IGSF22: variants seen among roughly 807,000 people sequenced by gnomAD.
IGSF22 encodes the protein immunoglobulin superfamily, member 22.
IGSF22 carries 119 observed loss-of-function variants against 127.0 expected under a neutral mutation model. The ratio of observed to expected loss-of-function variants is 0.94; its 90% CI spans 0.81 to 1.09. The LOEUF is 1.09. Ranked by LOEUF, IGSF22 falls within the 50% of genes least tolerant of loss-of-function variation. The pLI, the probability that IGSF22 is intolerant of heterozygous loss-of-function variation, is 0.00. For synonymous variants in IGSF22, 568 were observed against 664.7 expected (o/e 0.85, Z 2.24); for missense variants, 1,518 against 1,716.6 (o/e 0.88, Z 2.04).
rs1848461823 is a variant in IGSF22 at position 18,716,277 on chromosome 11, C to T, written c.1246+451G>A. 6.6e-6 allele frequency among the ~76,000 whole-genome samples: 1 copy of T among 152,138 alleles called. No homozygotes were observed. The highest frequency in any genetic ancestry group is 1.5e-5 in the Non-Finnish European group (1 of 68,026). On this transcript the variant is annotated intron_variant, in intron 10 of 22. Transcript: ENST00000513874. This position sits in a 1 kb window ranked among gnomAD's most constrained non-coding sequence, Gnocchi z 4.5. ...CTTCTACAGCCCTTGTGTCTCCCTC[C>T]ATCACAGCAATGATGATTCCATGTG...
intron 17 of IGSF22, 110 bp downstream of exon 17, chr11:18,710,217 G>C (rs1848325191): frequency 7.1e-7 from 1 of 1,403,734 alleles, no homozygotes; most frequent in Admixed American, 1.8e-5. Flanking sequence ...AGTTTCCAGA[G>C]TGTAGAGACT....
chr11:18,712,214 C>G lies in IGSF22; in HGVS notation c.2266G>C (p.Gly756Arg). Reference protein sequence around the residue: ...KSWIKIGEVDGKVTNFSTNKV... With the variant: ...KSWIKIGEVDRKVTNFSTNKV... The stretch of plus-strand genomic sequence containing the variant: ...TTGGTGGAGAAGTTGGTGACTTTGC[C>G]GTCCACCTCGCCTATCTTAATCCAG... The change falls in exon 15 of 23, where the codon GGC (glycine) becomes CGC (arginine). Residue 756 changes from glycine (G) to arginine (R), a missense_variant. Physicochemically the swap from Gly to Arg is moderately radical, Grantham distance 125. This residue lies in a region of IGSF22 where 1,456 missense variants were observed against 1,644.9 expected (regional missense o/e 0.89). Coordinates refer to ENST00000513874, the MANE Select transcript of IGSF22 (RefSeq NM_173588.4). The G allele has an allele frequency of 6.4e-7, 1 of 1,551,700 alleles. No homozygotes were observed. Among genetic ancestry groups the G allele is most frequent in the Non-Finnish European group, 8.7e-7 (1 of 1,146,996 alleles).
Position 18,704,358 on chromosome 11 carries a change from A to T in IGSF22, c.*110T>A. ...CCCCATCCCTTCACTGAATGTTTACATTAACAAACACCAGAGAGCAAACTG... is the reference window on the plus strand; with the variant it reads ...CCCCATCCCTTCACTGAATGTTTACTTTAACAAACACCAGAGAGCAAACTG... On this transcript the variant is annotated 3_prime_UTR_variant, in exon 23 of 23. Coordinates refer to ENST00000513874, the MANE Select transcript of IGSF22 (RefSeq NM_173588.4). The T allele has an allele frequency of 1.4e-6, 1 of 727,744 alleles. No individual in the cohort carries two copies. Among genetic ancestry groups the T allele is most frequent in the Non-Finnish European group, 2.4e-6 (1 of 408,786 alleles). 45.1% of individuals were successfully genotyped at this position (727,744 alleles called of 1,614,324 possible).
chr11:18,706,247 C>G lies in IGSF22; in HGVS notation c.3581-101G>C, dbSNP rs1715277102. On this transcript the variant is annotated intron_variant, in intron 21 of 22. Transcript: ENST00000513874. ...TTACACGGAACCCCGAGGACCTAGG[C>G]CACATTCCCAGCGCCACCAACTCTG... The G allele has an allele frequency of 2.6e-6, 3 of 1,133,920 alleles. No individual in the cohort carries two copies. In the Admixed American group the frequency reaches 8.3e-5, roughly 31 times the overall value. The allele number at this position is 1,133,920 out of a possible 1,614,324, so 70.2% of individuals were successfully genotyped here.
rs1231147220 is a variant in IGSF22 at position 18,706,915 on chromosome 11, C to G, written c.3579G>C (p.Gln1193His). 1.3e-5 allele frequency: 20 copies of G among 1,503,100 alleles called. 1 individual carries two copies. The South Asian group carries it at 2.3e-4, about 17-fold the overall frequency. The allele number at this position is 1,503,100 out of a possible 1,614,324, so 93.1% of individuals were successfully genotyped here. A position where few individuals can be genotyped will look rare whatever the true frequency, so the allele number is the denominator to read the frequency against. ...SRDTWLINKD[Q>H]IQDLSAKLKP... ...CCTAACTGCAAGTCCCAGACTCACT[C>G]TGGTCCTTATTGATGAGCCAGGTGT... The change falls in exon 21 of 23, where the codon CAG (glutamine) becomes CAC (histidine). Residue 1193 changes from glutamine (Q) to histidine (H), a missense_variant and splice_region_variant. Physicochemically the swap from Gln to His is conservative, Grantham distance 24 (BLOSUM62 0). Around this residue, in one of 3 missense-constraint regions of IGSF22, gnomAD observed 1,456 missense variants for 1,644.9 expected, o/e 0.89. Transcript: ENST00000513874.
At chr11:18,719,647 C>G (rs1267370771) in intron 7 of IGSF22, 69 bp downstream of exon 7, 107 of 1,484,744 alleles carry the variant, frequency 7.2e-5, no homozygotes, top group Non-Finnish European at 9.5e-5. Context: ...GAGAAATACA[C>G]AGGCACTAGC....
Position 18,709,457 on chromosome 11 carries a change from C to A in IGSF22, c.2928G>T (p.Arg976=), listed in dbSNP as rs72880717. The change falls in exon 18 of 23, where the codon CGG becomes CGT. Residue 976 remains arginine (R), a synonymous_variant. Coordinates refer to ENST00000513874, the MANE Select transcript of IGSF22 (RefSeq NM_173588.4). This position sits in a 1 kb window ranked among gnomAD's most constrained non-coding sequence, Gnocchi z 4.8. ...CCCCAACCCCAGCCTCATTCACAGC[C>A]CGGATTCGGAAGAAGTATTTCTGCC... The part of the protein sequence containing the change: ...IERQKYFFRI[R]AVNEAGVGEP... 1 of 1,614,022 alleles carries A rather than the reference C, an allele frequency of 6.2e-7. No individual in the cohort carries two copies. The highest frequency in any genetic ancestry group is 8.5e-7 in the Non-Finnish European group (1 of 1,179,966).
At chr11:18,724,625 A>G (rs1301536200) in intron 1 of IGSF22, among the ~76,000 whole-genome samples, 1 of 152,208 alleles carries the variant, frequency 6.6e-6, no homozygotes, top group African/African-American at 2.4e-5. Context: ...GAGGGAATGC[A>G]GTCAGACCTA....
At chr11:18,714,471 C>T (rs1444312483) in intron 12 of IGSF22, 29 bp downstream of exon 12, 5 of 1,614,218 alleles carry the variant, frequency 3.1e-6, no homozygotes, top group Non-Finnish European at 2.5e-6. Context: ...CTACCTCCTT[C>T]ACCCCCTTCC....
At chr11:18,720,968 A>C (rs533710796) in intron 4 of IGSF22, among the ~76,000 whole-genome samples, 2 of 152,324 alleles carry the variant, frequency 1.3e-5, no homozygotes, top group South Asian at 2.1e-4. Flanking sequence ...TTATAGGCCT[A>C]GATCTCCCCG....
Position 18,710,441 on chromosome 11 carries a change from CA to C in IGSF22, c.2586del (p.Val863TrpfsTer15). 1 of 1,614,164 alleles carries C rather than the reference CA, an allele frequency of 6.2e-7. No individual in the cohort carries two copies. Among genetic ancestry groups the C allele is most frequent in the Non-Finnish European group, 8.5e-7 (1 of 1,180,038 alleles). ...NKDPIQGTKC[T>X]VDGLLEDTEY... ...TCTGTGTCCTCCAGGAGACCATCCA[CA>C]GTGCACTTGGTGCCTGAAATGGGAA... On this transcript the variant is annotated frameshift_variant, in exon 17 of 23. Transcript: ENST00000513874. LOFTEE classifies it high-confidence loss of function.
At position 18,717,916 on chromosome 11, in the gene IGSF22, T is replaced by C. The variant is rs955523758; in HGVS notation, c.973+15A>G. On this transcript the variant is annotated intron_variant, in intron 9 of 22. Transcript: ENST00000513874. ...GACATGTCCTCCTTGTGCCCTTGCA[T>C]GCCCCCACTCATACCCAGCACTGTG... is the stretch of plus-strand genomic sequence containing the variant. 4 of 1,610,068 alleles carry C rather than the reference T, an allele frequency of 2.5e-6. No homozygotes were observed. Among genetic ancestry groups the C allele is most frequent in the Non-Finnish European group, 3.4e-6 (4 of 1,177,158 alleles).
At chr11:18,713,639 AG>A (rs1354852762) in intron 14 of IGSF22, among the ~76,000 whole-genome samples, 1 of 152,272 alleles carries the variant, frequency 6.6e-6, no homozygotes, top group Non-Finnish European at 1.5e-5. Flanking sequence ...ACCCTGTTCC[AG>A]GTAAGAAGCT....
chr11:18,718,478 A>G (rs1245530339), intron 8 of IGSF22, 137 bp downstream of exon 8: 1 of 705,500 alleles, frequency 1.4e-6, no homozygotes, highest in East Asian at 2.5e-5. Context: ...GTAGAGCCCA[A>G]TTCCAGCCTC....
In IGSF22 at chr11:18,707,999, G is replaced by C. The variant is rs754609220; in HGVS notation, c.3088-3C>G. On this transcript the variant is annotated splice_region_variant and splice_polypyrimidine_tract_variant and intron_variant, in intron 19 of 22. Transcript: ENST00000513874. ...ATCACGTCAGGTGGTGGTGAGCCCT[G>C]AGTAGTGACAGGAGATGGCACAACT... 1 of 1,613,904 alleles carries C rather than the reference G, an allele frequency of 6.2e-7. No homozygotes were observed. Among genetic ancestry groups the C allele is most frequent in the Non-Finnish European group, 8.5e-7 (1 of 1,179,922 alleles).
At chr11:18,713,679 A>G (rs953865573) in intron 14 of IGSF22, among the ~76,000 whole-genome samples, 173 bp downstream of exon 14, 1 of 152,268 alleles carries the variant, frequency 6.6e-6, no homozygotes, top group African/African-American at 2.4e-5. Flanking sequence ...CTCGGCCAAG[A>G]ACTGGCTGGG....
At chr11:18,710,586 A>G (rs1848334505) in intron 16 of IGSF22, 69 bp downstream of exon 16, 2 of 1,583,210 alleles carry the variant, frequency 1.3e-6, no homozygotes, top group Non-Finnish European at 1.7e-6. Flanking sequence ...GGACTGTGTC[A>G]GTAGTTAATG....
intron 4 of IGSF22, 99 bp downstream of exon 4, chr11:18,721,436 C>T: frequency 6.6e-7 from 1 of 1,520,354 alleles, no homozygotes; most frequent in Non-Finnish European, 9.0e-7. Flanking sequence ...GCTCTCGGGC[C>T]GCCGTTAAGG....
rs1848634655 is a variant in IGSF22, at chr11:18,725,260, T to C, written c.-34+814A>G. ...CTCCTGCCTCAGCCTCCCCAGCAGC[T>C]GGGTTTACAGGCACGTGCCACCATG... On this transcript the variant is annotated intron_variant, in intron 1 of 22. Transcript: ENST00000513874. Among the ~76,000 whole-genome samples the C allele has an allele frequency of 2.0e-5, 3 of 152,132 alleles. No individual in the cohort carries two copies. The South Asian group carries it at 6.2e-4, about 31-fold the overall frequency.
Sources: allele counts gnomAD v4.1 joint callset (sites outside exome capture counted in the v4.1 genomes callset), GRCh38; gene constraint gnomAD v4.1.1; regional missense constraint gnomAD v4.1.1; non-coding constraint Gnocchi (gnomAD v3.1); transcripts MANE v1.5; gene names NCBI Gene and HGNC (gene_info 2026-07-23, HGNC 2026-07-21).